DUSP3: variants seen among roughly 807,000 people sequenced by gnomAD.
DUSP3 encodes the protein dual specificity protein phosphatase 3.
Under a neutral mutation model 15.5 loss-of-function variants are expected in DUSP3, and 7 were observed. That is an observed-to-expected ratio of 0.45 (90% confidence interval 0.26 to 0.85). The LOEUF (loss-of-function observed/expected upper bound fraction) is 0.85, where lower values mean the gene tolerates loss of function less well. Among genes scored for constraint, DUSP3 ranks in the 40% least tolerant of loss-of-function variants. DUSP3 has a pLI of 0.18. For synonymous variants in DUSP3, 86 were observed against 104.2 expected (o/e 0.83, Z 1.07); for missense variants, 209 against 251.7 (o/e 0.83, Z 1.15).
chr17:43,778,873 C>T lies in DUSP3; in HGVS notation c.52G>A (p.Asp18Asn), dbSNP rs1001236686. 3.6e-5 allele frequency: 55 copies of T among 1,518,792 alleles called. No individual in the cohort carries two copies. Among genetic ancestry groups the T allele is most frequent in the Non-Finnish European group, 4.7e-5 (53 of 1,133,996 alleles). The allele number at this position is 1,518,792 out of a possible 1,614,324, so 94.1% of individuals were successfully genotyped here. ...SVQDLNDLLS[D>N]GSGCYSLPSQ... ...GGGAGGCTGTAGCAGCCGCTGCCGTCCGAGAGCAGGTCGTTGAGATCCTGC... is the reference window on the plus strand; with the variant it reads ...GGGAGGCTGTAGCAGCCGCTGCCGTTCGAGAGCAGGTCGTTGAGATCCTGC... The change falls in exon 1 of 3, where the codon GAC becomes AAC. Residue 18 changes from aspartate (D) to asparagine (N), a missense_variant. Transcript: ENST00000226004.
chr17:43,770,428 C>CAACT (rs1172329849), intron 2 of DUSP3, among the ~76,000 whole-genome samples: 2 of 151,392 alleles, frequency 1.3e-5, no homozygotes, highest in African/African-American at 4.8e-5. Flanking sequence ...GAGGCCAAGG[C>CAACT]AACTGGATCA....
chr17:43,775,716 G>T (rs773652757), intron 1 of DUSP3, among the ~76,000 whole-genome samples: 40 of 152,156 alleles, frequency 2.6e-4, no homozygotes, highest in Non-Finnish European at 3.7e-4. Flanking sequence ...CCCCCAGAGG[G>T]ATCCTACCTG....
intron 2 of DUSP3, among the ~76,000 whole-genome samples, chr17:43,771,324 T>C (rs1268291062): frequency 1.3e-5 from 2 of 152,070 alleles, no homozygotes; most frequent in Non-Finnish European, 2.9e-5. Context: ...TTTTATGTTG[T>C]TTTTAATATT....
intron 1 of DUSP3, 107 bp from the exon 2 acceptor site, chr17:43,775,045 A>G: frequency 3.5e-6 from 4 of 1,149,348 alleles, no homozygotes; most frequent in Non-Finnish European, 5.2e-6. Context: ...GAAACCCTCC[A>G]TGCTCTGGCC....
chr17:43,769,576 A>G lies in DUSP3; in HGVS notation c.*33T>C, dbSNP rs750305261. Reference sequence around the variant, plus strand: ...GACACCTTTGCCCACGGCCTCCCCCACGGACCTCTCGAGCAGAGGTGGTGG... The same window carrying G: ...GACACCTTTGCCCACGGCCTCCCCCGCGGACCTCTCGAGCAGAGGTGGTGG... On this transcript the variant is annotated 3_prime_UTR_variant, in exon 3 of 3. Coordinates refer to ENST00000226004, the MANE Select transcript of DUSP3 (RefSeq NM_004090.4). 2 of 1,609,224 alleles carry G rather than the reference A, an allele frequency of 1.2e-6. No individual in the cohort carries two copies. The highest frequency in any genetic ancestry group is 1.7e-6 in the Non-Finnish European group (2 of 1,178,780).
At chr17:43,772,010 C>CAAAAAAA in intron 2 of DUSP3, among the ~76,000 whole-genome samples, 1 of 64,206 alleles carries the variant, frequency 1.6e-5, no homozygotes, top group Non-Finnish European at 3.8e-5. Flanking sequence ...GACTCCGTCT[C>CAAAAAAA]AAAAAAAAAA....
At chr17:43,770,453 C>T (rs749873953) in intron 2 of DUSP3, among the ~76,000 whole-genome samples, 29 of 151,346 alleles carry the variant, frequency 1.9e-4, no homozygotes, top group Non-Finnish European at 3.5e-4. Flanking sequence ...GTCAGGAGTT[C>T]GAGACCAGAC....
At chr17:43,773,827 C>T (rs1037600860) in intron 2 of DUSP3, 3 of 155,150 alleles carry the variant, frequency 1.9e-5, no homozygotes, top group South Asian at 3.6e-4. Context: ...TGGCCAGGCG[C>T]GGTGGCTCAT....
At chr17:43,772,002 C>T (rs1242041121) in intron 2 of DUSP3, among the ~76,000 whole-genome samples, 1 of 141,784 alleles carries the variant, frequency 7.1e-6, no homozygotes, top group African/African-American at 2.8e-5. Flanking sequence ...AAGAGCGAGA[C>T]TCCGTCTCAA....
intron 2 of DUSP3, among the ~76,000 whole-genome samples, chr17:43,773,068 G>A (rs1444582605): frequency 1.3e-5 from 2 of 152,234 alleles, no homozygotes; most frequent in African/African-American, 2.4e-5. Flanking sequence ...TGGAGGAGGT[G>A]AGCAGGGTTG....
chr17:43,774,185 C>G (rs1256444595), intron 2 of DUSP3: 1 of 276,954 alleles, frequency 3.6e-6, no homozygotes, highest in Non-Finnish European at 6.9e-6. Context: ...GCTGCAGGGC[C>G]TCATCTGCTG....
At chr17:43,770,322 C>G (rs1974298484) in intron 2 of DUSP3, among the ~76,000 whole-genome samples, 1 of 152,216 alleles carries the variant, frequency 6.6e-6, no homozygotes, top group East Asian at 1.9e-4. Flanking sequence ...GGTGGATGAG[C>G]CCACAGAGTA....
chr17:43,775,537 G>T (rs551087630), intron 1 of DUSP3, among the ~76,000 whole-genome samples: 2 of 152,300 alleles, frequency 1.3e-5, no homozygotes, highest in African/African-American at 4.8e-5. Flanking sequence ...TTGTGCTTCT[G>T]TGTTTAGACA....
intron 2 of DUSP3, among the ~76,000 whole-genome samples, chr17:43,770,805 C>G (rs143139672): frequency 0.15 from 23,007 of 151,156 alleles, 2,249 homozygotes; most frequent in Non-Finnish European, 0.21. Flanking sequence ...GTTGCCCAGG[C>G]TGGAGTGCAG....
At chr17:43,774,577 C>T in intron 2 of DUSP3, 135 bp downstream of exon 2, 1 of 980,078 alleles carries the variant, frequency 1.0e-6, no homozygotes, top group Non-Finnish European at 1.5e-6. Flanking sequence ...AGAGAGAGAC[C>T]TACAGCTCTG....
Position 43,769,121 on chromosome 17 carries a change from AAG to A in DUSP3, c.*486_*487del. 6.4e-6 allele frequency: 1 copy of A among 155,766 alleles called. No individual in the cohort carries two copies. Among genetic ancestry groups the A allele is most frequent in the Non-Finnish European group, 1.4e-5 (1 of 70,298 alleles). 9.6% of individuals were successfully genotyped at this position (155,766 alleles called of 1,614,324 possible). On this transcript the variant is annotated 3_prime_UTR_variant, in exon 3 of 3. Coordinates refer to ENST00000226004, the MANE Select transcript of DUSP3 (RefSeq NM_004090.4). ...AGGGCTGCCTATGCACAGGGTGTGG[AAG>A]GCTGTGGGGACAGTGCAGGGCACAG...
In DUSP3 at chr17:43,769,768, C is replaced by T. The variant is rs752171783; in HGVS notation, c.399G>A (p.Thr133=). 3.2e-5 allele frequency: 51 copies of T among 1,613,950 alleles called. No homozygotes were observed. Among genetic ancestry groups the T allele is most frequent in the Admixed American group, 1.8e-4 (11 of 59,964 alleles). The part of the protein sequence containing the change: ...HCREGYSRSP[T]LVIAYLMMRQ... ...GCATCATGAGGTAGGCGATAACTAG[C>T]GTTGGGGAGCGGCTATAACCTTCCC... The change falls in exon 3 of 3, where the codon ACG becomes ACA. Residue 133 remains threonine, a synonymous_variant. Transcript: ENST00000226004.
chr17:43,777,294 A>G (rs1427516023), intron 1 of DUSP3, among the ~76,000 whole-genome samples: 1 of 152,160 alleles, frequency 6.6e-6, no homozygotes, highest in Non-Finnish European at 1.5e-5. Context: ...TAATAATTCA[A>G]CATTCAAAAA....
intron 1 of DUSP3, 81 bp downstream of exon 1, chr17:43,778,713 CAAGACT>C (rs1974424260): frequency 5.0e-6 from 7 of 1,387,630 alleles, no homozygotes; most frequent in Non-Finnish European, 6.6e-6. Flanking sequence ...TCCCCCAACC[CAAGACT>C]CGCGACACCC....
Sources: allele counts gnomAD v4.1 joint callset (sites outside exome capture counted in the v4.1 genomes callset), GRCh38; gene constraint gnomAD v4.1.1; transcripts MANE v1.5; gene names NCBI Gene and HGNC (gene_info 2026-07-23, HGNC 2026-07-21).